SYNE2: variants seen among roughly 807,000 people sequenced by gnomAD.
SYNE2 encodes the protein nesprin-2.
Under a neutral mutation model 856.3 loss-of-function variants are expected in SYNE2, and 431 were observed. That is an observed-to-expected ratio of 0.50 (90% CI 0.47 to 0.55). The LOEUF (loss-of-function observed/expected upper bound fraction) is 0.55, where lower values mean the gene tolerates loss of function less well. SYNE2 is among the 20% of genes least tolerant of loss of function. The pLI, the probability that SYNE2 is intolerant of heterozygous loss-of-function variation, is 0.00. For missense variants in SYNE2, 8,129 were observed against 8,023.2 expected, an observed-to-expected ratio of 1.01 and a Z score of -0.50; for synonymous variants, 2,923 against 2,872.3, an observed-to-expected ratio of 1.02 and a Z score of -0.56.
At position 64,106,132 on chromosome 14, in the gene SYNE2, ACC is replaced by A. The variant is rs72135678; in HGVS notation, c.12493-1349_12493-1348del. Among the ~76,000 whole-genome samples, 225 of 120,692 alleles carry A rather than the reference ACC, an allele frequency of 1.9e-3. 2 individuals are homozygous for A. Among genetic ancestry groups the A allele is most frequent in the South Asian group, 4.5e-3 (15 of 3,298 alleles). The allele number at this position is 120,692 out of a possible 152,430, so 79.2% of individuals were successfully genotyped here. ...GGTATACATGGAATTGCATTTCCAG[ACC>A]CCCCCCCCCAACCAACACACAAGCT... On this transcript the variant is annotated intron_variant, in intron 64 of 115. Transcript: ENST00000555002.
intron 11 of SYNE2, among the ~76,000 whole-genome samples, chr14:63,976,332 G>T (rs550672132): frequency 6.6e-6 from 1 of 152,072 alleles, no homozygotes; most frequent in African/African-American, 2.4e-5. Context: ...TTTTTCTTAT[G>T]CCTTCTTTTC....
At chr14:63,973,807 AT>A (rs1475640837) in intron 11 of SYNE2, among the ~76,000 whole-genome samples, 1 of 152,156 alleles carries the variant, frequency 6.6e-6, no homozygotes, top group Non-Finnish European at 1.5e-5. Context: ...CTTTGTCCTC[AT>A]TTTGTATACC....
chr14:64,155,166 G>T (rs2098275390), intron 85 of SYNE2, among the ~76,000 whole-genome samples: 1 of 152,142 alleles, frequency 6.6e-6, no homozygotes, highest in Non-Finnish European at 1.5e-5. Context: ...AAACTTATAC[G>T]TGAATATTCA....
intron 102 of SYNE2, 135 bp downstream of exon 102, chr14:64,209,713 C>G: frequency 1.5e-6 from 2 of 1,334,724 alleles, no homozygotes; most frequent in Non-Finnish European, 2.1e-6. Flanking sequence ...ACAGCCTGCC[C>G]CCAGCTGCTG....
rs377067875 is a variant in SYNE2, at chr14:64,014,575, C to T, written c.4729-1898C>T. 1.2e-3 allele frequency among the ~76,000 whole-genome samples: 186 copies of T among 151,938 alleles called. 2 individuals carry two copies. The highest frequency in any genetic ancestry group is 3.9e-3 in the African/African-American group (163 of 41,422). On this transcript the variant is annotated intron_variant, in intron 32 of 115. Coordinates refer to ENST00000555002, the MANE Select transcript of SYNE2 (RefSeq NM_182914.3). ...CTGAGTAGCTGGGACTACAGGTGCA[C>T]GCCACTACACCCAACTAATTTGTTT...
intron 57 of SYNE2, among the ~76,000 whole-genome samples, chr14:64,087,016 A>T (rs944224163): frequency 7.1e-6 from 1 of 141,660 alleles, no homozygotes; most frequent in Non-Finnish European, 1.5e-5. Context: ...GGCCCAGTAT[A>T]CATTTCTTGC....
At chr14:63,818,960 A>G (rs78196643) in intron 1 of SYNE2, among the ~76,000 whole-genome samples, 9,123 of 151,646 alleles carry the variant, frequency 0.06, 297 homozygotes, top group Middle Eastern at 0.099. Context: ...AGCCTCCCAG[A>G]GTGCTGGGAT....
chr14:64,183,224 T>C (rs1464773824), intron 96 of SYNE2, among the ~76,000 whole-genome samples: 3 of 146,972 alleles, frequency 2.0e-5, no homozygotes, highest in African/African-American at 5.1e-5. Context: ...GCGGAGGGGC[T>C]CCTCACTTCT....
chr14:63,831,100 T>C (rs1008763618), intron 1 of SYNE2, among the ~76,000 whole-genome samples: 2 of 151,998 alleles, frequency 1.3e-5, no homozygotes, highest in African/African-American at 4.8e-5. Context: ...TTCGGCCTCC[T>C]AAAAGTGCTG....
At chr14:64,069,014 T>G (rs1255968) in intron 51 of SYNE2, among the ~76,000 whole-genome samples, 138,548 of 152,182 alleles carry the variant, frequency 0.91, 63,171 homozygotes, top group Non-Finnish European at 0.94. Context: ...ACAGGAGTGG[T>G]AGATGAGGGG....
chr14:63,962,250 T>A (rs193288616), intron 9 of SYNE2, among the ~76,000 whole-genome samples: 238 of 152,142 alleles, frequency 1.6e-3, no homozygotes, highest in African/African-American at 5.5e-3. Context: ...GAGACTGGGT[T>A]TCACCATGTT....
At chr14:64,201,863 G>A (rs1169590049) in intron 99 of SYNE2, among the ~76,000 whole-genome samples, 1 of 152,200 alleles carries the variant, frequency 6.6e-6, no homozygotes, top group Non-Finnish European at 1.5e-5. Context: ...ACTTTTAAAT[G>A]TCTGAAATTA....
chr14:64,114,942 A>G (rs1428849497), intron 66 of SYNE2, among the ~76,000 whole-genome samples: 2 of 152,196 alleles, frequency 1.3e-5, no homozygotes, highest in African/African-American at 2.4e-5. Flanking sequence ...CTAAAGGGAT[A>G]GGTTCACTCA....
intron 1 of SYNE2, among the ~76,000 whole-genome samples, chr14:63,815,140 A>T (rs1209701427): frequency 8.3e-6 from 1 of 120,056 alleles, no homozygotes; most frequent in East Asian, 2.3e-4. Flanking sequence ...ATATATCCAT[A>T]TATATACACA....
intron 11 of SYNE2, 112 bp from the exon 12 acceptor site, chr14:63,976,451 A>G: frequency 8.8e-7 from 1 of 1,130,964 alleles, no homozygotes; most frequent in Non-Finnish European, 1.3e-6. Context: ...GATCACATTT[A>G]TCAGACTTGG....
At chr14:64,101,494 T>C (rs10145320) in intron 63 of SYNE2, among the ~76,000 whole-genome samples, 40,167 of 151,988 alleles carry the variant, frequency 0.26, 6,504 homozygotes, top group East Asian at 0.52. Flanking sequence ...CTCTGTTGCC[T>C]AGGCTAGAGT....
intron 96 of SYNE2, among the ~76,000 whole-genome samples, chr14:64,178,911 C>T (rs912176598): frequency 1.3e-5 from 2 of 152,052 alleles, no homozygotes; most frequent in East Asian, 1.9e-4. Context: ...ATATGTACAG[C>T]AAAAAATTTT....
chr14:64,084,885 T>C (rs755810522), intron 57 of SYNE2: 4 of 696,756 alleles, frequency 5.7e-6, no homozygotes, highest in South Asian at 1.5e-5. Flanking sequence ...GCTCGACTTG[T>C]GTGAGGGAGG....
intron 2 of SYNE2, among the ~76,000 whole-genome samples, chr14:63,910,198 A>G (rs1046870445): frequency 2.6e-5 from 4 of 152,216 alleles, no homozygotes; most frequent in East Asian, 1.9e-4. Context: ...ATGTTACTCA[A>G]AGTCATAGAT....
Sources: allele counts gnomAD v4.1 joint callset (sites outside exome capture counted in the v4.1 genomes callset), GRCh38; gene constraint gnomAD v4.1.1; transcripts MANE v1.5; gene names NCBI Gene and HGNC (gene_info 2026-07-23, HGNC 2026-07-21).